The following OXR1 variants were observed in gnomAD, a reference collection of about 807,000 sequenced individuals.
The protein encoded by OXR1 is oxidation resistance protein 1.
In OXR1, 41 loss-of-function variants were observed where a neutral mutation model predicts 104.6. That is an observed-to-expected ratio of 0.39 (90% CI 0.31 to 0.51). The LOEUF is 0.51. Ranked by LOEUF, OXR1 falls within the 20% of genes least tolerant of loss-of-function variation. OXR1 has a pLI of 0.77. For missense variants in OXR1, 955 were observed against 1,031.9 expected, an observed-to-expected ratio of 0.93 and a Z score of 1.02; for synonymous variants, 348 against 348.4, an observed-to-expected ratio of 1.00 and a Z score of 0.01.
intron 2 of OXR1, among the ~76,000 whole-genome samples, chr8:106,487,559 G>A (rs1329133311): frequency 4.0e-5 from 6 of 151,624 alleles, no homozygotes; most frequent in Non-Finnish European, 7.4e-5. Flanking sequence ...ATCTCCCGAT[G>A]CTATCCCTCC....
chr8:106,647,978 G>A (rs376790140), intron 3 of OXR1, among the ~76,000 whole-genome samples: 5 of 152,200 alleles, frequency 3.3e-5, no homozygotes, highest in African/African-American at 4.8e-5. Flanking sequence ...CAGATGTGTC[G>A]TGCTCATATA....
chr8:106,331,414 A>G (rs572677706), intron 1 of OXR1, among the ~76,000 whole-genome samples: 1 of 152,312 alleles, frequency 6.6e-6, no homozygotes, highest in East Asian at 1.9e-4. Flanking sequence ...ACTTACAAAA[A>G]TACAAGTTAA....
At chr8:106,630,412 G>A (rs1321244885) in intron 3 of OXR1, among the ~76,000 whole-genome samples, 2 of 152,184 alleles carry the variant, frequency 1.3e-5, no homozygotes, top group Non-Finnish European at 1.5e-5. Flanking sequence ...AAGGTCATGC[G>A]TGTCTAAGAC....
chr8:106,306,022 C>T (rs1400983014), intron 1 of OXR1, among the ~76,000 whole-genome samples: 2 of 151,478 alleles, frequency 1.3e-5, no homozygotes, highest in African/African-American at 4.8e-5. Flanking sequence ...CCTTCTTGTG[C>T]ATTTCCCTCC....
intron 2 of OXR1, among the ~76,000 whole-genome samples, chr8:106,456,348 T>G (rs980328452): frequency 2.6e-5 from 4 of 152,168 alleles, no homozygotes; most frequent in Non-Finnish European, 5.9e-5. Context: ...TAGCTTTTTA[T>G]TAAGGATTTT....
chr8:106,497,741 T>C (rs898203020), intron 2 of OXR1, among the ~76,000 whole-genome samples: 2 of 152,158 alleles, frequency 1.3e-5, no homozygotes, highest in Non-Finnish European at 2.9e-5. Flanking sequence ...TAAACCCCTC[T>C]TCCTTGGGGG....
chr8:106,479,980 G>A (rs760166448), intron 2 of OXR1, among the ~76,000 whole-genome samples: 2 of 151,930 alleles, frequency 1.3e-5, no homozygotes, highest in Non-Finnish European at 2.9e-5. Context: ...TTATGTAGGC[G>A]GGAGCTGTAG....
chr8:106,497,600 A>G (rs904962583), intron 2 of OXR1, among the ~76,000 whole-genome samples: 3 of 152,194 alleles, frequency 2.0e-5, no homozygotes, highest in Admixed American at 1.3e-4. Flanking sequence ...GGAAATATTT[A>G]CTGGAGTCTT....
Position 106,339,522 on chromosome 8 carries a change from AT to A in OXR1, c.-138-19953del, listed in dbSNP as rs1563726099. Among the ~76,000 whole-genome samples, 46 of 19,288 alleles carry A rather than the reference AT, an allele frequency of 2.4e-3. 1 individual carries two copies. The highest frequency in any genetic ancestry group is 3.1e-3 in the Non-Finnish European group (34 of 10,938). The allele number at this position is 19,288 out of a possible 152,430, so 12.7% of individuals were successfully genotyped here. ...AAAAAAAAAAAAAAAAAAAAAAAAT[AT>A]ATATATATATATATATATATATATA... On this transcript the variant is annotated intron_variant, in intron 1 of 16. Transcript: ENST00000517566.
intron 2 of OXR1, among the ~76,000 whole-genome samples, chr8:106,428,359 T>C (rs902609838): frequency 6.6e-6 from 1 of 152,184 alleles, no homozygotes; most frequent in East Asian, 1.9e-4. Flanking sequence ...TCTGTGTTTT[T>C]TCCAAAAAGA....
intron 2 of OXR1, among the ~76,000 whole-genome samples, chr8:106,361,309 C>A (rs1351024301): frequency 1.3e-5 from 2 of 152,176 alleles, no homozygotes; most frequent in African/African-American, 4.8e-5. Flanking sequence ...TGTAAGAATT[C>A]TTTCCATGTT....
At chr8:106,557,878 C>T (rs1816401407) in intron 3 of OXR1, among the ~76,000 whole-genome samples, 1 of 152,116 alleles carries the variant, frequency 6.6e-6, no homozygotes, top group Admixed American at 6.5e-5. Context: ...GAAGAGACTT[C>T]CATCTCAATA....
intron 11 of OXR1, among the ~76,000 whole-genome samples, chr8:106,730,283 G>C (rs1833760838): frequency 6.6e-6 from 1 of 152,030 alleles, no homozygotes; most frequent in African/African-American, 2.4e-5. Flanking sequence ...CATTCTTTGA[G>C]TTGTATATTC....
At chr8:106,308,656 A>T (rs1003737932) in intron 1 of OXR1, among the ~76,000 whole-genome samples, 2 of 152,216 alleles carry the variant, frequency 1.3e-5, no homozygotes, top group African/African-American at 4.8e-5. Flanking sequence ...TCTAAACATC[A>T]GGAAGCTTTT....
intron 3 of OXR1, among the ~76,000 whole-genome samples, chr8:106,670,161 T>C (rs1448115395): frequency 6.6e-6 from 1 of 152,102 alleles, no homozygotes; most frequent in Non-Finnish European, 1.5e-5. Context: ...AGGGGATGGG[T>C]GGCCCTAGTG....
At chr8:106,386,184 A>G (rs890425427) in intron 2 of OXR1, among the ~76,000 whole-genome samples, 4 of 152,208 alleles carry the variant, frequency 2.6e-5, no homozygotes, top group Admixed American at 1.3e-4. Context: ...AGCTAGCTAG[A>G]TTACATTCTC....
intron 11 of OXR1, among the ~76,000 whole-genome samples, chr8:106,718,894 G>T (rs1220095946): frequency 1.3e-5 from 2 of 150,534 alleles, no homozygotes; most frequent in East Asian, 1.9e-4. Context: ...GGCTGCTATT[G>T]ATAAGAAAGC....
chr8:106,594,109 G>A (rs146124768), intron 3 of OXR1, among the ~76,000 whole-genome samples: 127 of 152,280 alleles, frequency 8.3e-4, no homozygotes, highest in African/African-American at 2.8e-3. Flanking sequence ...TGTTAAGATT[G>A]CTGATGACAT....
intron 3 of OXR1, among the ~76,000 whole-genome samples, chr8:106,560,705 C>G (rs1166171924): frequency 6.6e-6 from 1 of 152,186 alleles, no homozygotes; most frequent in African/African-American, 2.4e-5. Context: ...TATGCTACAA[C>G]AAGCTTGACT....
Sources: gnomAD v4.1 joint callset for allele counts (sites outside exome capture counted in the v4.1 genomes callset) on GRCh38, gnomAD v4.1.1 for gene constraint, MANE v1.5 for transcripts, NCBI Gene and HGNC (gene_info 2026-07-23, HGNC 2026-07-21) for gene names.